The following PCDH17 variants were observed in gnomAD, a reference collection of about 807,000 sequenced individuals.
PCDH17 encodes protocadherin 17.
A neutral mutation model predicts 67.7 loss-of-function variants in PCDH17; 21 were observed. That is an observed-to-expected ratio of 0.31 (90% CI 0.22 to 0.45). The LOEUF (loss-of-function observed/expected upper bound fraction) is 0.45. PCDH17 is among the 20% of genes least tolerant of loss of function. The probability of loss-of-function intolerance (pLI) is 1.00; values close to 1 mark genes in which losing one functional copy is unlikely to be tolerated. For missense variants in PCDH17, 1,471 were observed against 1,564.8 expected (o/e 0.94, Z 1.01); for synonymous variants, 701 against 656.7 (o/e 1.07, Z -1.03).
intron 3 of PCDH17, among the ~76,000 whole-genome samples, chr13:57,667,415 T>G (rs1955267798): frequency 6.6e-6 from 1 of 152,026 alleles, no homozygotes; most frequent in Non-Finnish European, 1.5e-5. Flanking sequence ...TTTGTAAAAT[T>G]TTATCTCTAA....
intron 1 of PCDH17, among the ~76,000 whole-genome samples, chr13:57,659,389 G>T (rs1955156034): frequency 6.6e-6 from 1 of 151,936 alleles, no homozygotes; most frequent in Admixed American, 6.6e-5. Flanking sequence ...TCCCACAGGT[G>T]TCTAATTTTA....
intron 3 of PCDH17, among the ~76,000 whole-genome samples, chr13:57,715,612 T>C (rs964494407): frequency 2.0e-5 from 3 of 151,816 alleles, no homozygotes; most frequent in African/African-American, 7.3e-5. Context: ...TTTTTAAAAT[T>C]TATTGTTCTT....
intron 1 of PCDH17, among the ~76,000 whole-genome samples, chr13:57,646,552 A>G (rs1269914023): frequency 1.3e-5 from 2 of 151,754 alleles, no homozygotes; most frequent in Non-Finnish European, 3.0e-5. Flanking sequence ...TTTACAGAAT[A>G]AAAGTTTTAG....
In PCDH17 at chr13:57,724,648, G is replaced by A. The variant is rs115565722; in HGVS notation, c.2834G>A (p.Arg945Gln). Residue 945 changes from arginine (R) to glutamine (Q), a missense_variant, in exon 4 of 4, where the codon CGA (arginine) becomes CAA (glutamine). Arg to Gln is a conservative substitution (Grantham distance 43). This residue lies in a region of PCDH17 where 297 missense variants were observed against 298.6 expected (regional missense o/e 0.99). Coordinates refer to ENST00000377918, the MANE Select transcript of PCDH17 (RefSeq NM_001040429.3). The part of the protein sequence containing the change: ...EECVNCTDEC[R>Q]VLGHSDRCWM... ...TGTGTTAATTGCACAGATGAATGCC[G>A]AGTGCTTGGTCATTCTGACAGGTGC... 568 of 1,613,804 alleles carry A rather than the reference G, an allele frequency of 3.5e-4. 1 individual carries two copies. The African/African-American group carries it at 4.6e-3, about 13-fold the overall frequency.
At position 57,633,348 on chromosome 13, in the gene PCDH17, A is replaced by G; in HGVS notation, c.802A>G (p.Thr268Ala). 2 of 1,613,032 alleles carry G rather than the reference A, an allele frequency of 1.2e-6. No homozygotes were observed. The highest frequency in any genetic ancestry group is 1.7e-5 in the Admixed American group (1 of 59,994). The change falls in exon 1 of 4, where the codon ACC (threonine) becomes GCC (alanine). Residue 268 changes from threonine to alanine, a missense_variant. This residue lies in a region of PCDH17 where 1,163 missense variants were observed against 1,230.0 expected (regional missense o/e 0.95). Coordinates refer to ENST00000377918, the MANE Select transcript of PCDH17 (RefSeq NM_001040429.3). The surrounding 1 kb of genome is among the most constrained non-coding windows in gnomAD (Gnocchi z 6.2). ...LGTVVIDLNA[T>A]DADEGPNGEV... ...TACAGTGGTCATCGATCTGAACGCC[A>G]CCGACGCCGATGAAGGTCCCAATGG... is the stretch of plus-strand genomic sequence containing the variant.
intron 1 of PCDH17, among the ~76,000 whole-genome samples, chr13:57,657,568 G>A (rs1955121807): frequency 6.6e-6 from 1 of 152,084 alleles, no homozygotes; most frequent in Non-Finnish European, 1.5e-5. Context: ...AAGCAATGTC[G>A]GTACGAAAAG....
At chr13:57,664,661 A>C (rs1955227890) in intron 1 of PCDH17, among the ~76,000 whole-genome samples, 1 of 152,132 alleles carries the variant, frequency 6.6e-6, no homozygotes, top group South Asian at 2.1e-4. Context: ...CTCTTTAATA[A>C]CCTGGATTTT....
At chr13:57,683,226 T>A (rs1955472266) in intron 3 of PCDH17, among the ~76,000 whole-genome samples, 1 of 151,878 alleles carries the variant, frequency 6.6e-6, no homozygotes, top group African/African-American at 2.4e-5. Flanking sequence ...AAAGGCCTTA[T>A]TAACATCTTG....
chr13:57,680,362 G>A (rs1451589163), intron 3 of PCDH17, among the ~76,000 whole-genome samples: 1 of 151,570 alleles, frequency 6.6e-6, no homozygotes, highest in African/African-American at 2.4e-5. Flanking sequence ...AAGTGGAGAT[G>A]TAGCAAGCCA....
At position 57,726,618 on chromosome 13, in the gene PCDH17, C is replaced by T. The variant is rs1335886782; in HGVS notation, c.*1324C>T. On this transcript the variant is annotated 3_prime_UTR_variant, in exon 4 of 4. Coordinates refer to ENST00000377918, the MANE Select transcript of PCDH17 (RefSeq NM_001040429.3). ...TGTTTGAGTGAGCTGATGGAGCTAA[C>T]TGAAAGGTCAAAAATTACATCCATC... 1 of 152,586 alleles carries T rather than the reference C, an allele frequency of 6.6e-6. No individual in the cohort carries two copies. Among genetic ancestry groups the T allele is most frequent in the African/African-American group, 2.4e-5 (1 of 41,452 alleles). The allele number at this position is 152,586 out of a possible 1,614,324, so 9.5% of individuals were successfully genotyped here.
At chr13:57,702,946 TGTAA>T (rs762239508) in intron 3 of PCDH17, among the ~76,000 whole-genome samples, 17 of 152,188 alleles carry the variant, frequency 1.1e-4, no homozygotes, top group South Asian at 2.1e-4. Context: ...TGCAAAAGTA[TGTAA>T]GTGTTTGTAA....
chr13:57,641,558 G>GAAAAAAAA (rs71209470), intron 1 of PCDH17, among the ~76,000 whole-genome samples: 1 of 24,508 alleles, frequency 4.1e-5, no homozygotes, highest in Non-Finnish European at 7.5e-5. Flanking sequence ...GTGTTTGAGA[G>GAAAAAAAA]AAAAAAAAAA....
At chr13:57,640,894 G>A (rs532795047) in intron 1 of PCDH17, among the ~76,000 whole-genome samples, 71 of 152,100 alleles carry the variant, frequency 4.7e-4, no homozygotes, top group African/African-American at 1.6e-3. Flanking sequence ...AAATGCACCC[G>A]CTAATTACAA....
At chr13:57,702,517 T>C (rs1156837236) in intron 3 of PCDH17, among the ~76,000 whole-genome samples, 1 of 152,158 alleles carries the variant, frequency 6.6e-6, no homozygotes, top group East Asian at 1.9e-4. Flanking sequence ...TAAATCCGGC[T>C]GTGCAGGGTT....
At chr13:57,669,220 A>T (rs1270214603) in intron 3 of PCDH17, among the ~76,000 whole-genome samples, 3 of 152,104 alleles carry the variant, frequency 2.0e-5, no homozygotes, top group East Asian at 3.9e-4. Context: ...TGATTTATTC[A>T]TTCATTTAAT....
intron 3 of PCDH17, among the ~76,000 whole-genome samples, chr13:57,679,923 TC>T (rs1955432534): frequency 1.3e-5 from 2 of 151,468 alleles, no homozygotes; most frequent in African/African-American, 4.8e-5. Flanking sequence ...TTTTCTTTAC[TC>T]ATGGGGTTAT....
At chr13:57,635,501 G>GT (rs1361582842) in intron 1 of PCDH17, among the ~76,000 whole-genome samples, 6 of 151,900 alleles carry the variant, frequency 3.9e-5, no homozygotes, top group East Asian at 3.9e-4. Context: ...TTTTTATTCT[G>GT]TTTTTTTAAA....
intron 3 of PCDH17, among the ~76,000 whole-genome samples, chr13:57,681,594 G>T (rs897974536): frequency 2.0e-5 from 3 of 151,654 alleles, no homozygotes; most frequent in African/African-American, 7.3e-5. Context: ...ACTGAAAATG[G>T]ATAGAAGACA....
rs74333081 is a variant in PCDH17, at chr13:57,722,741, G to A, written c.2798-1871G>A. Among the ~76,000 whole-genome samples the A allele has an allele frequency of 8.8e-4, 134 of 152,048 alleles. 1 individual carries two copies. The East Asian group carries it at 0.016, about 19-fold the overall frequency. On this transcript the variant is annotated intron_variant, in intron 3 of 3. Coordinates refer to ENST00000377918, the MANE Select transcript of PCDH17 (RefSeq NM_001040429.3). ...AGCCATCTTCCTTCCTCAGCCTGCCGCGTAGCTGCATGCACCACCTCACCT... is the reference window on the plus strand; with the variant it reads ...AGCCATCTTCCTTCCTCAGCCTGCCACGTAGCTGCATGCACCACCTCACCT...
Sources: gnomAD v4.1 joint callset for allele counts (sites outside exome capture counted in the v4.1 genomes callset) on GRCh38, gnomAD v4.1.1 for gene constraint, gnomAD v4.1.1 regional missense constraint, Gnocchi (gnomAD v3.1) non-coding constraint, MANE v1.5 for transcripts, NCBI Gene and HGNC (gene_info 2026-07-23, HGNC 2026-07-21) for gene names.